Variants in GPN2 observed in about 807,000 individuals in gnomAD.
GPN2 encodes GPN-loop GTPase 2.
GPN2 carries 27 observed loss-of-function variants against 30.1 expected under a neutral mutation model. The observed-to-expected ratio is 0.90, with a 90% confidence interval of 0.66 to 1.24. The LOEUF (loss-of-function observed/expected upper bound fraction) is 1.24. GPN2 is among the 50% of genes most tolerant of loss of function. GPN2 has a pLI of 0.00. For synonymous variants in GPN2, 212 were observed against 174.4 expected (o/e 1.22, Z -1.70); for missense variants, 406 against 405.4 (o/e 1.00, Z -0.01).
At position 26,890,209 on chromosome 1, in the gene GPN2, G is replaced by T; in HGVS notation, c.-113C>A. On this transcript the variant is annotated 5_prime_UTR_variant, in exon 1 of 5. In the 5' UTR this introduces an upstream ATG that the reference lacks. Transcript: ENST00000374135. Reference sequence around the variant, plus strand: ...AGTACGTATACCTCGTTGGCGGCCAGCGTCACTCGCCTCAGGCGGAACAGC... The same window carrying T: ...AGTACGTATACCTCGTTGGCGGCCATCGTCACTCGCCTCAGGCGGAACAGC... 1.1e-6 allele frequency: 1 copy of T among 935,906 alleles called. No individual in the cohort carries two copies. The highest frequency in any genetic ancestry group is 1.5e-6 in the Non-Finnish European group (1 of 649,224). The allele number at this position is 935,906 out of a possible 1,614,324, so 58.0% of individuals were successfully genotyped here. A position where few individuals can be genotyped will look rare whatever the true frequency, so the allele number is the denominator to read the frequency against.
At chr1:26,880,445 TG>T (rs1304931535) in intron 4 of GPN2, among the ~76,000 whole-genome samples, 3 of 152,156 alleles carry the variant, frequency 2.0e-5, no homozygotes, top group Non-Finnish European at 2.9e-5. Flanking sequence ...CCAGAGTAGC[TG>T]GGACTACAGG....
rs755823078 is a variant in GPN2, at chr1:26,879,748, T to C, written c.862A>G (p.Thr288Ala). The C allele has an allele frequency of 6.2e-7, 1 of 1,613,178 alleles. No homozygotes were observed. Among genetic ancestry groups the C allele is most frequent in the Non-Finnish European group, 8.5e-7 (1 of 1,179,288 alleles). ...AGGTACTTCTCCTGGATGCCCAGTG[T>C]GCTGAGGAAGGGTGCGTCAAGGCTG... ...AMGADFHFSS[T>A]LGIQEKYLAP... The change falls in exon 5 of 5, where the codon ACA becomes GCA. Residue 288 changes from threonine (T) to alanine (A), a missense_variant and splice_region_variant. Thr to Ala is a moderately conservative substitution (Grantham distance 58). Coordinates refer to ENST00000374135, the MANE Select transcript of GPN2 (RefSeq NM_018066.4).
At chr1:26,888,580 G>A (rs750173348) in intron 2 of GPN2, among the ~76,000 whole-genome samples, 14 of 152,192 alleles carry the variant, frequency 9.2e-5, no homozygotes, top group Admixed American at 3.3e-4. Flanking sequence ...CAGCTCAGAT[G>A]CCACTGCTTC....
chr1:26,889,724 G>A lies in GPN2; in HGVS notation c.373C>T (p.Arg125Cys). 1 of 1,602,020 alleles carries A rather than the reference G, an allele frequency of 6.2e-7. No individual in the cohort carries two copies. Among genetic ancestry groups the A allele is most frequent in the Non-Finnish European group, 8.5e-7 (1 of 1,172,834 alleles). ...TGCGCCATTTGGGAGAAGATGCTGC[G>A]CAAGGCGCCGTGATGCGTGCAGAGC... ...VELCTHHGALRSIFSQMAQWD... is the reference protein window; with the variant it reads ...VELCTHHGALCSIFSQMAQWD... The change falls in exon 1 of 5, where the codon CGC becomes TGC. Residue 125 changes from arginine to cysteine, a missense_variant. Arg to Cys is a radical substitution (Grantham distance 180, BLOSUM62 -3). Coordinates refer to ENST00000374135, the MANE Select transcript of GPN2 (RefSeq NM_018066.4).
At chr1:26,881,902 C>T (rs1336829085) in intron 4 of GPN2, among the ~76,000 whole-genome samples, 1 of 151,810 alleles carries the variant, frequency 6.6e-6, no homozygotes, top group African/African-American at 2.4e-5. Context: ...GGAGCAAGAC[C>T]CTGCCTCTAA....
In GPN2 at chr1:26,889,939, G is replaced by C; in HGVS notation, c.158C>G (p.Pro53Arg). 2 of 1,609,196 alleles carry C rather than the reference G, an allele frequency of 1.2e-6. No homozygotes were observed. Among genetic ancestry groups the C allele is most frequent in the Non-Finnish European group, 1.7e-6 (2 of 1,179,342 alleles). ...GCCCACGTCCACGGCACACTCGTAC[G>C]GCAGCCCCTCGTTGGCCGGGTCCAG... ...VNLDPANEGL[P>R]YECAVDVGEL... Residue 53 changes from proline to arginine, a missense_variant, in exon 1 of 5, where the codon CCG (proline) becomes CGG (arginine). Pro to Arg is a moderately radical substitution (Grantham distance 103). Transcript: ENST00000374135.
Position 26,881,411 on chromosome 1 carries a change from ATGAT to A in GPN2, c.861-1666_861-1663del, listed in dbSNP as rs577376726. 8.8e-4 allele frequency among the ~76,000 whole-genome samples: 134 copies of A among 152,380 alleles called. 1 individual carries two copies. The highest frequency in any genetic ancestry group is 3.0e-3 in the African/African-American group (126 of 41,600). On this transcript the variant is annotated intron_variant, in intron 4 of 4. Transcript: ENST00000374135. The stretch of plus-strand genomic sequence containing the variant: ...TGAATACTGTACTGAAAGTGAAAGA[ATGAT>A]TGATAGGTACCCAAAGTATGATTTC...
At chr1:26,883,560 G>A (rs1201600830) in intron 4 of GPN2, among the ~76,000 whole-genome samples, 1 of 152,198 alleles carries the variant, frequency 6.6e-6, no homozygotes, top group African/African-American at 2.4e-5. Context: ...GCTGAGGCAG[G>A]TGGATCACCT....
In GPN2 at chr1:26,888,951, TG is replaced by T. The variant is rs765797651; in HGVS notation, c.568+17del. On this transcript the variant is annotated intron_variant, in intron 2 of 4. Transcript: ENST00000374135. ...CCCAGCTGCTGCCCTGCTCTTCGCCTGGAACAGAAGCTCTTACCCAGCTTCC... is the reference window on the plus strand; with the variant it reads ...CCCAGCTGCTGCCCTGCTCTTCGCCTGAACAGAAGCTCTTACCCAGCTTCC... 3 of 1,613,578 alleles carry T rather than the reference TG, an allele frequency of 1.9e-6. No homozygotes were observed. The highest frequency in any genetic ancestry group is 2.2e-5 in the East Asian group (1 of 44,888).
chr1:26,890,235 T>C lies in GPN2; in HGVS notation c.-139A>G. ...CGTCACTCGCCTCAGGCGGAACAGC[T>C]GAGACCGTGTCGCGCAAAAGGAGAT... On this transcript the variant is annotated 5_prime_UTR_variant, in exon 1 of 5. Transcript: ENST00000374135. The C allele has an allele frequency of 4.1e-6, 3 of 723,674 alleles. No homozygotes were observed. The highest frequency in any genetic ancestry group is 4.3e-6 in the Non-Finnish European group (2 of 461,350). 44.8% of individuals were successfully genotyped at this position (723,674 alleles called of 1,614,324 possible).
chr1:26,880,336 C>T lies in GPN2; in HGVS notation c.861-587G>A, dbSNP rs188060309. ...ACCTTTCTTTTTCTTTTTTTTGAGA[C>T]AGAGTCTCACTCTGTCACCAAGCTG... On this transcript the variant is annotated intron_variant, in intron 4 of 4. Coordinates refer to ENST00000374135, the MANE Select transcript of GPN2 (RefSeq NM_018066.4). 4.1e-4 allele frequency among the ~76,000 whole-genome samples: 63 copies of T among 152,140 alleles called. No individual in the cohort carries two copies. The East Asian group carries it at 7.5e-3, about 18-fold the overall frequency.
chr1:26,880,789 T>C (rs2081860393), intron 4 of GPN2, among the ~76,000 whole-genome samples: 1 of 152,246 alleles, frequency 6.6e-6, no homozygotes, highest in South Asian at 2.1e-4. Flanking sequence ...TTTGCAACCC[T>C]TGAAACCTGT....
At position 26,890,201 on chromosome 1, in the gene GPN2, G is replaced by T. The variant is rs955057324; in HGVS notation, c.-105C>A. 9.8e-7 allele frequency: 1 copy of T among 1,016,578 alleles called. No homozygotes were observed. The allele number at this position is 1,016,578 out of a possible 1,614,324, so 63.0% of individuals were successfully genotyped here. Reference sequence around the variant, plus strand: ...AGGGTCCCAGTACGTATACCTCGTTGGCGGCCAGCGTCACTCGCCTCAGGC... The same window carrying T: ...AGGGTCCCAGTACGTATACCTCGTTTGCGGCCAGCGTCACTCGCCTCAGGC... On this transcript the variant is annotated 5_prime_UTR_variant, in exon 1 of 5. Coordinates refer to ENST00000374135, the MANE Select transcript of GPN2 (RefSeq NM_018066.4).
At position 26,879,511 on chromosome 1, in the gene GPN2, A is replaced by C; in HGVS notation, c.*166T>G. The C allele has an allele frequency of 6.4e-6, 4 of 627,336 alleles. No individual in the cohort carries two copies. In the South Asian group the frequency reaches 7.2e-5, roughly 11 times the overall value. The allele number at this position is 627,336 out of a possible 1,614,324, so 38.9% of individuals were successfully genotyped here. On this transcript the variant is annotated 3_prime_UTR_variant, in exon 5 of 5. Transcript: ENST00000374135. ...TATGGGGGGTGTTCTGCTTGGCACC[A>C]TGTCTGGCTTTTTGGCCAGAAGTCC... is the stretch of plus-strand genomic sequence containing the variant.
intron 2 of GPN2, 38 bp downstream of exon 2, chr1:26,888,931 C>T (rs1290043933): frequency 1.2e-6 from 2 of 1,609,176 alleles, no homozygotes; most frequent in African/African-American, 1.3e-5. Flanking sequence ...TCTAGCCCAG[C>T]TGCTGCCCTG....
chr1:26,887,752 G>A (rs1371438843), intron 2 of GPN2, among the ~76,000 whole-genome samples: 3 of 151,716 alleles, frequency 2.0e-5, no homozygotes, highest in African/African-American at 7.3e-5. Context: ...TAGTAGAGAC[G>A]GAGTTTCACA....
In GPN2 at chr1:26,889,701, C is replaced by T. The variant is rs557983551; in HGVS notation, c.396G>A (p.Ala132=). The T allele has an allele frequency of 8.8e-6, 14 of 1,584,840 alleles. No homozygotes were observed. The African/African-American group carries it at 1.3e-4, about 15-fold the overall frequency. Residue 132 remains alanine (A), a synonymous_variant, in exon 1 of 5, where the codon GCG becomes GCA. Transcript: ENST00000374135. ...GALRSIFSQM[A]QWDLRLTAVH... ...TGAGACGCACCCTGAGGTCCCACTG[C>T]GCCATTTGGGAGAAGATGCTGCGCA...
rs1334865513 is a variant in GPN2, at chr1:26,886,100, T to C, written c.602A>G (p.Asp201Gly). The C allele has an allele frequency of 6.2e-7, 1 of 1,613,488 alleles. No individual in the cohort carries two copies. Among genetic ancestry groups the C allele is most frequent in the East Asian group, 2.2e-5 (1 of 44,872 alleles). The change falls in exon 3 of 5, where the codon GAC becomes GGC. Residue 201 changes from aspartate to glycine, a missense_variant. By Grantham distance (94) the Asp-to-Gly change is moderately conservative (BLOSUM62 -1). Coordinates refer to ENST00000374135, the MANE Select transcript of GPN2 (RefSeq NM_018066.4). ...CAGGTGGTCAAGCAGGTAGGAGAGGTCCAGAACCTCTGTGTAGTAGTCCAG... is the reference window on the plus strand; with the variant it reads ...CAGGTGGTCAAGCAGGTAGGAGAGGCCCAGAACCTCTGTGTAGTAGTCCAG... ...FNLDYYTEVL[D>G]LSYLLDHLAS...
intron 2 of GPN2, chr1:26,886,610 A>T (rs541522254): frequency 3.0e-4 from 111 of 371,160 alleles, no homozygotes; most frequent in African/African-American, 2.3e-3. Context: ...CAAGGTCAGG[A>T]GATCGAGACC....
Sources: gnomAD v4.1 joint callset for allele counts (sites outside exome capture counted in the v4.1 genomes callset) on GRCh38, gnomAD v4.1.1 for gene constraint, MANE v1.5 for transcripts, NCBI Gene and HGNC (gene_info 2026-07-23, HGNC 2026-07-21) for gene names.